Variants in PKHD1 observed in about 807,000 individuals in gnomAD.
PKHD1 encodes fibrocystin.
PKHD1 carries 291 observed loss-of-function variants against 412.0 expected under a neutral mutation model. The observed-to-expected ratio is 0.71, with a 90% CI of 0.64 to 0.78. The LOEUF is 0.78. Ranked by LOEUF, PKHD1 falls within the 30% of genes least tolerant of loss-of-function variation. The probability of loss-of-function intolerance (pLI) is 0.00; values close to 1 mark genes in which losing one functional copy is unlikely to be tolerated. For missense variants in PKHD1, 4,825 were observed against 4,950.7 expected, an observed-to-expected ratio of 0.97 and a Z score of 0.76; for synonymous variants, 1,777 against 1,821.5, an observed-to-expected ratio of 0.98 and a Z score of 0.62.
chr6:51,848,355 G>A (rs2397069), intron 49 of PKHD1, among the ~76,000 whole-genome samples: 3 of 152,162 alleles, frequency 2.0e-5, no homozygotes, highest in South Asian at 2.1e-4. Flanking sequence ...GACTTGAAGC[G>A]ACAGGCAATG....
At chr6:51,773,603 C>G (rs1473850319) in intron 54 of PKHD1, among the ~76,000 whole-genome samples, 2 of 151,266 alleles carry the variant, frequency 1.3e-5, no homozygotes, top group Non-Finnish European at 3.0e-5. Flanking sequence ...AATAGAAGTT[C>G]TAATATTTTA....
chr6:52,070,995 C>G lies in PKHD1; in HGVS notation c.667+11G>C, dbSNP rs778068839. On this transcript the variant is annotated intron_variant, in intron 9 of 66. Transcript: ENST00000371117. ...ATAAGACTTTAAAATTATGTTACTT[C>G]TCTAACAGACCGATGTAGTCGCCTT... is the stretch of plus-strand genomic sequence containing the variant. 5.8e-6 allele frequency: 9 copies of G among 1,547,144 alleles called. No individual in the cohort carries two copies. The highest frequency in any genetic ancestry group is 6.3e-6 in the Non-Finnish European group (7 of 1,119,108).
At chr6:51,711,005 A>G (rs945775097) in intron 60 of PKHD1, among the ~76,000 whole-genome samples, 1 of 152,150 alleles carries the variant, frequency 6.6e-6, no homozygotes, top group African/African-American at 2.4e-5. Flanking sequence ...TTAGCCACTG[A>G]TGAGGCTCCC....
At chr6:51,705,548 T>A (rs535947056) in intron 60 of PKHD1, among the ~76,000 whole-genome samples, 149 of 152,224 alleles carry the variant, frequency 9.8e-4, no homozygotes, top group African/African-American at 3.4e-3. Context: ...GTATTAGAGC[T>A]ACTCCTCAGA....
chr6:51,911,789 ACT>A lies in PKHD1; in HGVS notation c.6490+8_6490+9del. The A allele has an allele frequency of 6.2e-7, 1 of 1,610,128 alleles. No homozygotes were observed. The highest frequency in any genetic ancestry group is 8.5e-7 in the Non-Finnish European group (1 of 1,176,930). ...TGCTCATTAGACTTTCCAACAAAAC[ACT>A]CTTCTACCTTCTGGAGCATTGGCCT... On this transcript the variant is annotated splice_region_variant and intron_variant, in intron 39 of 66. Transcript: ENST00000371117.
At chr6:52,069,579 A>AT (rs768411865) in intron 10 of PKHD1, 52 bp from the exon 11 acceptor site, 27 of 1,415,266 alleles carry the variant, frequency 1.9e-5, no homozygotes, top group Middle Eastern at 1.8e-4. Flanking sequence ...CTGGGATTGC[A>AT]TTTTTTTTAG....
rs200953089 is a variant in PKHD1, at chr6:52,054,055, C to T, written c.1947G>A (p.Thr649=). The T allele has an allele frequency of 2.5e-6, 4 of 1,613,796 alleles. No individual in the cohort carries two copies. The highest frequency in any genetic ancestry group is 1.3e-5 in the African/African-American group (1 of 74,922). The change falls in exon 20 of 67, where the codon ACG becomes ACA. Residue 649 remains threonine, a synonymous_variant. Transcript: ENST00000371117. ...VKNTTCDWSL[T]RTSPESWQFD... is the part of the protein sequence containing the mutation. Reference sequence around the variant, plus strand: ...TTAGCTACCTCTCGGGGCTGGTCCTCGTGAGACTCCAGTCACAGGTGGTAT... The same window carrying T: ...TTAGCTACCTCTCGGGGCTGGTCCTTGTGAGACTCCAGTCACAGGTGGTAT...
chr6:52,064,945 G>A lies in PKHD1; in HGVS notation c.976+10C>T. ...CAGAGTTTATTGAACAGCCCTGGTG[G>A]CTTCCTTACCTGGCTGAGGGGTGGT... is the stretch of plus-strand genomic sequence containing the variant. On this transcript the variant is annotated intron_variant, in intron 13 of 66. Transcript: ENST00000371117. 6.6e-7 allele frequency: 1 copy of A among 1,517,400 alleles called. No homozygotes were observed. Among genetic ancestry groups the A allele is most frequent in the Non-Finnish European group, 9.1e-7 (1 of 1,101,928 alleles). 94.0% of individuals were successfully genotyped at this position (1,517,400 alleles called of 1,614,324 possible).
At chr6:51,736,957 A>G (rs1403907731) in intron 60 of PKHD1, among the ~76,000 whole-genome samples, 3 of 152,182 alleles carry the variant, frequency 2.0e-5, no homozygotes, top group East Asian at 1.9e-4. Context: ...AGCTTTCCCC[A>G]TTATTCAGTT....
chr6:52,060,853 A>C (rs1320651500), intron 14 of PKHD1, among the ~76,000 whole-genome samples: 1 of 152,178 alleles, frequency 6.6e-6, no homozygotes, highest in Non-Finnish European at 1.5e-5. Flanking sequence ...CAATATAATT[A>C]TATTAACTTA....
intron 52 of PKHD1, among the ~76,000 whole-genome samples, chr6:51,796,244 T>C (rs1040096554): frequency 6.6e-6 from 1 of 152,068 alleles, no homozygotes; most frequent in African/African-American, 2.4e-5. Context: ...GGAGGGTGCA[T>C]GTGTCCAGGA....
intron 53 of PKHD1, among the ~76,000 whole-genome samples, chr6:51,786,973 C>T (rs1021937466): frequency 2.0e-5 from 3 of 152,202 alleles, no homozygotes; most frequent in African/African-American, 7.2e-5. Flanking sequence ...CTAAGCAAAG[C>T]TTTGATCTTG....
chr6:51,923,035 A>C (rs1784941729), intron 37 of PKHD1, among the ~76,000 whole-genome samples: 2 of 152,154 alleles, frequency 1.3e-5, no homozygotes, highest in South Asian at 4.1e-4. Context: ...TCATGCTGGG[A>C]GCTATAGACT....
At chr6:51,649,307 T>C in intron 61 of PKHD1, 87 bp from the exon 62 acceptor site, 1 of 985,314 alleles carries the variant, frequency 1.0e-6, no homozygotes. Context: ...TTATTACCAG[T>C]GAAAATATTT....
chr6:51,619,610 T>C (rs935743973), intron 66 of PKHD1, 90 bp from the exon 67 acceptor site: 24 of 1,048,378 alleles, frequency 2.3e-5, no homozygotes, highest in South Asian at 8.0e-5. Flanking sequence ...TGACAAGATA[T>C]TGTCAAATCA....
Position 51,744,414 on chromosome 6 carries a change from G to A in PKHD1, c.10127C>T (p.Ala3376Val). 6.2e-7 allele frequency: 1 copy of A among 1,613,872 alleles called. No individual in the cohort carries two copies. Among genetic ancestry groups the A allele is most frequent in the African/African-American group, 1.3e-5 (1 of 75,020 alleles). The change falls in exon 60 of 67, where the codon GCA (alanine) becomes GTA (valine). Residue 3376 changes from alanine to valine, a missense_variant. Ala to Val is a moderately conservative substitution (Grantham distance 64). Transcript: ENST00000371117. ...GTTGAAGAAGGATGCAGTCCATTCT[G>A]CCTCTGTTTTAGGAAATACAGAAAC... Reference protein sequence around the residue: ...PPVSVFPKTEAEWTASFFNAG... With the variant: ...PPVSVFPKTEVEWTASFFNAG...
intron 44 of PKHD1, 74 bp downstream of exon 44, chr6:51,887,059 T>G (rs553649860): frequency 2.1e-6 from 2 of 946,372 alleles, no homozygotes; most frequent in East Asian, 4.8e-5. Context: ...CAAAGTGCTC[T>G]CATTGTGAGC....
intron 60 of PKHD1, among the ~76,000 whole-genome samples, chr6:51,736,036 T>C (rs1439279899): frequency 6.6e-6 from 1 of 152,178 alleles, no homozygotes; most frequent in Non-Finnish European, 1.5e-5. Flanking sequence ...TTCCCACACC[T>C]ATAAAATGGA....
intron 61 of PKHD1, among the ~76,000 whole-genome samples, chr6:51,650,698 T>G (rs1388030906): frequency 1.3e-5 from 2 of 152,112 alleles, no homozygotes; most frequent in East Asian, 1.9e-4. Flanking sequence ...CTGGGAATCC[T>G]AGGAAATGCG....
Sources: gnomAD v4.1 joint callset for allele counts (sites outside exome capture counted in the v4.1 genomes callset) on GRCh38, gnomAD v4.1.1 for gene constraint, MANE v1.5 for transcripts, NCBI Gene and HGNC (gene_info 2026-07-23, HGNC 2026-07-21) for gene names.